Variants in KCNMA1 observed in about 807,000 individuals in gnomAD.
KCNMA1 encodes the protein Calcium-activated potassium channel subunit alpha-1.
In KCNMA1, 29 loss-of-function variants were observed where a neutral mutation model predicts 140.0. That is an observed-to-expected ratio of 0.21 (90% confidence interval 0.15 to 0.28). The LOEUF (loss-of-function observed/expected upper bound fraction) is 0.28, where lower values mean the gene tolerates loss of function less well. Ranked by LOEUF, KCNMA1 falls within the 10% of genes least tolerant of loss-of-function variation. The probability of loss-of-function intolerance (pLI) is 1.00; values close to 1 mark genes in which losing one functional copy is unlikely to be tolerated. For synonymous variants in KCNMA1, 612 were observed against 611.9 expected, an observed-to-expected ratio of 1.00 and a Z score of 0.00; for missense variants, 880 against 1,602.2, an observed-to-expected ratio of 0.55 and a Z score of 7.70.
chr10:77,307,054 C>G (rs950246357), intron 2 of KCNMA1, among the ~76,000 whole-genome samples: 1 of 152,222 alleles, frequency 6.6e-6, no homozygotes. Flanking sequence ...ACACTCTCAA[C>G]TTGCAAAAGA....
intron 12 of KCNMA1, among the ~76,000 whole-genome samples, chr10:77,082,595 A>T (rs1334860543): frequency 6.6e-6 from 1 of 151,970 alleles, no homozygotes; most frequent in Non-Finnish European, 1.5e-5. Flanking sequence ...ATCATTTCCA[A>T]TGACAGAAAA....
At chr10:77,506,177 T>G (rs1454611449) in intron 1 of KCNMA1, among the ~76,000 whole-genome samples, 1 of 152,128 alleles carries the variant, frequency 6.6e-6, no homozygotes, top group East Asian at 1.9e-4. Flanking sequence ...CTGGCTCTTG[T>G]GTAGAGCTAA....
At chr10:76,969,300 G>GGGAAGGAAGGAAGGGAGGGAGGAAGGAA (rs58490256) in intron 20 of KCNMA1, among the ~76,000 whole-genome samples, 4 of 109,362 alleles carry the variant, frequency 3.7e-5, no homozygotes, top group African/African-American at 1.4e-4. Flanking sequence ...GAAGGAAGGA[G>GGGAAGGAAGGAAGGGAGGGAGGAAGGAA]GGAAGGAAGG....
intron 1 of KCNMA1, among the ~76,000 whole-genome samples, chr10:77,606,674 T>C (rs2084658409): frequency 1.3e-5 from 2 of 152,094 alleles, no homozygotes; most frequent in South Asian, 4.2e-4. Context: ...GCAGTGCCCG[T>C]CTTCCTAAGT....
chr10:77,064,309 CT>C (rs1236659330), intron 14 of KCNMA1, among the ~76,000 whole-genome samples: 2 of 152,116 alleles, frequency 1.3e-5, no homozygotes, highest in African/African-American at 2.4e-5. Flanking sequence ...TGTACATTTG[CT>C]TTTGATTCAC....
chr10:77,531,063 C>T (rs1029660332), intron 1 of KCNMA1, among the ~76,000 whole-genome samples: 3 of 152,286 alleles, frequency 2.0e-5, no homozygotes, highest in East Asian at 1.9e-4. Flanking sequence ...CCAAACAAAG[C>T]TGTTTCCTAC....
At chr10:77,056,622 T>C (rs945476813) in intron 14 of KCNMA1, among the ~76,000 whole-genome samples, 2 of 152,058 alleles carry the variant, frequency 1.3e-5, no homozygotes, top group African/African-American at 2.4e-5. Flanking sequence ...GACACAGATG[T>C]TGGAATAATC....
At chr10:77,083,461 T>C (rs2096624380) in intron 12 of KCNMA1, among the ~76,000 whole-genome samples, 1 of 141,828 alleles carries the variant, frequency 7.1e-6, no homozygotes, top group Non-Finnish European at 1.5e-5. Context: ...CAAAAAGCAC[T>C]GCACAGTGTT....
intron 21 of KCNMA1, among the ~76,000 whole-genome samples, chr10:76,953,538 C>T (rs1485238009): frequency 1.3e-5 from 2 of 152,152 alleles, no homozygotes; most frequent in African/African-American, 4.8e-5. Flanking sequence ...ATGTTCATAC[C>T]ACCTCCCACC....
intron 2 of KCNMA1, among the ~76,000 whole-genome samples, chr10:77,347,353 G>C (rs565163403): frequency 6.6e-6 from 1 of 152,302 alleles, no homozygotes; most frequent in South Asian, 2.1e-4. Flanking sequence ...TAAGTAACCT[G>C]CACAAAGGCA....
chr10:76,910,903 G>A (rs1907746), intron 24 of KCNMA1: 38,119 of 152,302 alleles, frequency 0.25, 5,629 homozygotes, highest in East Asian at 0.42. Context: ...GTACGTGCAG[G>A]CTGATTAGTT....
At chr10:77,534,914 C>A (rs1161736707) in intron 1 of KCNMA1, among the ~76,000 whole-genome samples, 1 of 152,096 alleles carries the variant, frequency 6.6e-6, no homozygotes, top group Admixed American at 6.6e-5. Context: ...AAACCTACAC[C>A]CTGTACCTCC....
At chr10:77,168,299 C>T (rs919225068) in intron 5 of KCNMA1, among the ~76,000 whole-genome samples, 1 of 152,068 alleles carries the variant, frequency 6.6e-6, no homozygotes, top group Non-Finnish European at 1.5e-5. Flanking sequence ...TGAGATAGGC[C>T]GGTAAAGAGC....
chr10:77,541,523 C>T (rs1214886128), intron 1 of KCNMA1, among the ~76,000 whole-genome samples: 1 of 152,010 alleles, frequency 6.6e-6, no homozygotes, highest in Non-Finnish European at 1.5e-5. Flanking sequence ...GAAAAAGGAC[C>T]CACACTTGGA....
chr10:77,167,689 CTT>C (rs1317329908), intron 5 of KCNMA1, among the ~76,000 whole-genome samples: 2 of 145,420 alleles, frequency 1.4e-5, no homozygotes, highest in Admixed American at 6.9e-5. Flanking sequence ...TTCTTTCTTT[CTT>C]TTTTTTTTTT....
chr10:76,931,227 T>C (rs570128591), intron 23 of KCNMA1, among the ~76,000 whole-genome samples: 1 of 152,286 alleles, frequency 6.6e-6, no homozygotes, highest in South Asian at 2.1e-4. Context: ...ATTTTGGTAA[T>C]AATTTCACAA....
At chr10:77,388,756 C>A (rs938331622) in intron 2 of KCNMA1, among the ~76,000 whole-genome samples, 4 of 152,142 alleles carry the variant, frequency 2.6e-5, no homozygotes, top group South Asian at 2.1e-4. Flanking sequence ...TTATTTATTT[C>A]TTTTCTCTCT....
At chr10:77,577,960 C>T (rs1334447702) in intron 1 of KCNMA1, among the ~76,000 whole-genome samples, 12 of 152,192 alleles carry the variant, frequency 7.9e-5, no homozygotes, top group Admixed American at 7.9e-4. Context: ...TGCCTCCTGC[C>T]CTATTTATAG....
chr10:76,934,056 T>G (rs192349090), intron 23 of KCNMA1, among the ~76,000 whole-genome samples: 246 of 152,280 alleles, frequency 1.6e-3, no homozygotes, highest in African/African-American at 5.3e-3. Context: ...CACTGCAACC[T>G]CCACCTCCTG....
Sources: gnomAD v4.1 joint callset for allele counts (sites outside exome capture counted in the v4.1 genomes callset) on GRCh38, gnomAD v4.1.1 for gene constraint, MANE v1.5 for transcripts, NCBI Gene and HGNC (gene_info 2026-07-23, HGNC 2026-07-21) for gene names.